The following PIK3AP1 variants were observed in gnomAD, a reference collection of about 807,000 sequenced individuals.
PIK3AP1 encodes the protein phosphoinositide 3-kinase adapter protein 1.
PIK3AP1 carries 21 observed loss-of-function variants against 88.1 expected under a neutral mutation model. That is an observed-to-expected ratio of 0.24 (90% CI 0.17 to 0.34). PIK3AP1 has a LOEUF of 0.34. Ranked by LOEUF, PIK3AP1 falls within the 10% of genes least tolerant of loss-of-function variation. The pLI is 1.00. For missense variants in PIK3AP1, 828 were observed against 1,035.7 expected, an observed-to-expected ratio of 0.80 and a Z score of 2.75; for synonymous variants, 398 against 400.0, an observed-to-expected ratio of 1.00 and a Z score of 0.06.
intron 8 of PIK3AP1, among the ~76,000 whole-genome samples, chr10:96,639,865 T>G (rs1348911599): frequency 1.3e-5 from 2 of 152,208 alleles, no homozygotes. Flanking sequence ...ATGTAGTCAT[T>G]TTGCATACAA....
chr10:96,662,918 G>C (rs1392366186), intron 2 of PIK3AP1, among the ~76,000 whole-genome samples: 3 of 91,288 alleles, frequency 3.3e-5, no homozygotes, highest in African/African-American at 1.3e-4. Flanking sequence ...AAAAAAAAAA[G>C]AGGGAAACTC....
chr10:96,669,605 G>A, intron 2 of PIK3AP1: 1 of 151,528 alleles, frequency 6.6e-6, no homozygotes, highest in South Asian at 2.1e-4. Context: ...AGCCTGGGCA[G>A]CATTATGAGA....
Position 96,628,381 on chromosome 10 carries a change from T to C in PIK3AP1, c.1471+17A>G. 6.4e-7 allele frequency: 1 copy of C among 1,570,368 alleles called. No individual in the cohort carries two copies. The highest frequency in any genetic ancestry group is 8.8e-7 in the Non-Finnish European group (1 of 1,140,234). ...TCTTTTGCTCTTTTGGCTTCCCTGCTCATGGCTATGACTTACCTTCTAAAA... is the reference window on the plus strand; with the variant it reads ...TCTTTTGCTCTTTTGGCTTCCCTGCCCATGGCTATGACTTACCTTCTAAAA... On this transcript the variant is annotated intron_variant, in intron 9 of 16. Transcript: ENST00000339364.
At chr10:96,643,662 G>A (rs1450171941) in intron 8 of PIK3AP1, among the ~76,000 whole-genome samples, 1 of 152,194 alleles carries the variant, frequency 6.6e-6, no homozygotes, top group African/African-American at 2.4e-5. Flanking sequence ...GCAGGTTCTG[G>A]GGTCAGTGTC....
chr10:96,662,663 G>A (rs1843705133), intron 2 of PIK3AP1, among the ~76,000 whole-genome samples: 3 of 150,986 alleles, frequency 2.0e-5, no homozygotes, highest in South Asian at 2.1e-4. Context: ...GGTGGATCAT[G>A]AGGTCAGGAG....
chr10:96,719,322 C>T lies in PIK3AP1; in HGVS notation c.13+1060G>A, dbSNP rs182071243. 6.5e-4 allele frequency among the ~76,000 whole-genome samples: 99 copies of T among 152,260 alleles called. 1 individual carries two copies. The highest frequency in any genetic ancestry group is 6.8e-3 in the Middle Eastern group (2 of 294). On this transcript the variant is annotated intron_variant, in intron 1 of 16. Coordinates refer to ENST00000339364, the MANE Select transcript of PIK3AP1 (RefSeq NM_152309.3). The stretch of plus-strand genomic sequence containing the variant: ...GCTCTTCATTCCAGTGTTTGCTCAC[C>T]TCCTGTAAGAACAGTGCCTTCTCCT...
At chr10:96,602,126 G>A (rs917205215) in intron 16 of PIK3AP1, among the ~76,000 whole-genome samples, 154 bp downstream of exon 16, 3 of 152,118 alleles carry the variant, frequency 2.0e-5, no homozygotes, top group African/African-American at 7.2e-5. Context: ...CCTGTGATCC[G>A]CCCGCCTTGG....
rs1362527708 is a variant in PIK3AP1, at chr10:96,687,271, AAAAAAAAAAAAAAAG to A, written c.430+22281_430+22295del. Reference sequence around the variant, plus strand: ...ACTCCATCTCAAAAAAAAAAAAAAAAAAAAAAAAAAAAAAGAAAAAAGATCTCCTCCTTTCAAGGA... The same window carrying A: ...ACTCCATCTCAAAAAAAAAAAAAAAAAAAAAAGATCTCCTCCTTTCAAGGA... On this transcript the variant is annotated intron_variant, in intron 2 of 16. Coordinates refer to ENST00000339364, the MANE Select transcript of PIK3AP1 (RefSeq NM_152309.3). 1.5e-3 allele frequency among the ~76,000 whole-genome samples: 219 copies of A among 149,514 alleles called. 2 individuals are homozygous for A. Among genetic ancestry groups the A allele is most frequent in the African/African-American group, 5.2e-3 (207 of 39,970 alleles).
chr10:96,656,733 C>A, intron 3 of PIK3AP1, 65 bp downstream of exon 3: 2 of 1,593,364 alleles, frequency 1.3e-6, no homozygotes, highest in Non-Finnish European at 1.7e-6. Flanking sequence ...TTTACTGCAA[C>A]AAATGCATGC....
intron 1 of PIK3AP1, among the ~76,000 whole-genome samples, chr10:96,713,066 T>C (rs887763678): frequency 2.0e-5 from 3 of 152,104 alleles, no homozygotes; most frequent in Admixed American, 1.3e-4. Flanking sequence ...GAAGAACCCT[T>C]AAGAGGGCAG....
chr10:96,632,857 T>C (rs1589502160), intron 8 of PIK3AP1: 1 of 1,608,396 alleles, frequency 6.2e-7, no homozygotes, highest in Admixed American at 1.7e-5. Context: ...CCAACCAGTA[T>C]TTTTAGGTTC....
rs763923650 is a variant in PIK3AP1 at position 96,711,739 on chromosome 10, A to ATTTTTTTTTTTTTTTTTTTTTT, written c.14-1778_14-1757dup. Among the ~76,000 whole-genome samples the ATTTTTTTTTTTTTTTTTTTTTT allele has an allele frequency of 1.2e-4, 8 of 66,446 alleles. 1 individual carries two copies. The highest frequency in any genetic ancestry group is 5.6e-4 in the African/African-American group (8 of 14,256). The allele number at this position is 66,446 out of a possible 152,430, so 43.6% of individuals were successfully genotyped here. On this transcript the variant is annotated intron_variant, in intron 1 of 16. Transcript: ENST00000339364. Reference sequence around the variant, plus strand: ...ATTTCCCCCAGGATGAGATTACCAAATTTTTTTTTTTTTTTTTTTTTTTTT... The same window carrying ATTTTTTTTTTTTTTTTTTTTTT: ...ATTTCCCCCAGGATGAGATTACCAAATTTTTTTTTTTTTTTTTTTTTTTTTTTTTTTTTTTTTTTTTTTTTTT...
chr10:96,670,363 AT>A (rs1448708593), intron 2 of PIK3AP1, among the ~76,000 whole-genome samples: 1 of 152,190 alleles, frequency 6.6e-6, no homozygotes, highest in Non-Finnish European at 1.5e-5. Context: ...TCATTTCCTT[AT>A]CCCTTCAACA....
chr10:96,647,860 G>A (rs1324013660), intron 7 of PIK3AP1, among the ~76,000 whole-genome samples: 1 of 152,190 alleles, frequency 6.6e-6, no homozygotes, highest in African/African-American at 2.4e-5. Flanking sequence ...AAAACCACGA[G>A]GGACTGGGAT....
chr10:96,611,204 T>C (rs923730139), intron 13 of PIK3AP1, among the ~76,000 whole-genome samples: 2 of 152,212 alleles, frequency 1.3e-5, no homozygotes, highest in African/African-American at 2.4e-5. Context: ...GCACCAGCCT[T>C]CCTCATCTGG....
intron 14 of PIK3AP1, 56 bp from the exon 15 acceptor site, chr10:96,604,105 A>G: frequency 7.3e-7 from 1 of 1,360,820 alleles, no homozygotes; most frequent in Non-Finnish European, 1.0e-6. Flanking sequence ...CTAAAATAAA[A>G]TAGAGAACTC....
chr10:96,657,349 C>T (rs1010512455), intron 2 of PIK3AP1, among the ~76,000 whole-genome samples: 52 of 152,168 alleles, frequency 3.4e-4, no homozygotes, highest in Non-Finnish European at 1.3e-4. Flanking sequence ...CAAGTAAAAC[C>T]TGCACTGTCC....
Position 96,609,800 on chromosome 10 carries a change from A to G in PIK3AP1, c.2082T>C (p.Tyr694=). 6.2e-7 allele frequency: 1 copy of G among 1,613,518 alleles called. No individual in the cohort carries two copies. Among genetic ancestry groups the G allele is most frequent in the Non-Finnish European group, 8.5e-7 (1 of 1,179,444 alleles). ...TGACACTTTTCCTGGGGCCACTCTCATAGACTCCAAACTCCACTTTTGCAG... is the reference window on the plus strand; with the variant it reads ...TGACACTTTTCCTGGGGCCACTCTCGTAGACTCCAAACTCCACTTTTGCAG... ...HLPAKVEFGV[Y]ESGPRKSVIP... The change falls in exon 14 of 17, where the codon TAT becomes TAC. Residue 694 remains tyrosine (Y), a synonymous_variant. Coordinates refer to ENST00000339364, the MANE Select transcript of PIK3AP1 (RefSeq NM_152309.3).
chr10:96,636,464 T>A (rs1243647410), intron 8 of PIK3AP1, among the ~76,000 whole-genome samples: 1 of 152,056 alleles, frequency 6.6e-6, no homozygotes, highest in African/African-American at 2.4e-5. Flanking sequence ...CAACCCCACA[T>A]GTACACATAA....
Sources: allele counts gnomAD v4.1 joint callset (sites outside exome capture counted in the v4.1 genomes callset), GRCh38; gene constraint gnomAD v4.1.1; transcripts MANE v1.5; gene names NCBI Gene and HGNC (gene_info 2026-07-23, HGNC 2026-07-21).